Variants in ST6GAL1 observed in about 807,000 individuals in gnomAD.
ST6GAL1 encodes the protein beta-galactoside alpha-2,6-sialyltransferase 1.
ST6GAL1 carries 20 observed loss-of-function variants against 38.0 expected under a neutral mutation model. The observed-to-expected ratio is 0.53, with a 90% CI of 0.37 to 0.77. The LOEUF (loss-of-function observed/expected upper bound fraction) is 0.77. ST6GAL1 is among the 30% of genes least tolerant of loss of function. The probability of loss-of-function intolerance (pLI) is 0.00; values close to 1 mark genes in which losing one functional copy is unlikely to be tolerated. For synonymous variants in ST6GAL1, 196 were observed against 188.2 expected (o/e 1.04, Z -0.34); for missense variants, 432 against 496.4 (o/e 0.87, Z 1.23).
At chr3:187,033,785 G>C (rs910809928) in intron 2 of ST6GAL1, among the ~76,000 whole-genome samples, 2 of 152,058 alleles carry the variant, frequency 1.3e-5, no homozygotes, top group Non-Finnish European at 2.9e-5. Flanking sequence ...AAAGTTTGTA[G>C]TGCTTAACAT....
chr3:186,978,104 G>C (rs933655738), intron 2 of ST6GAL1, among the ~76,000 whole-genome samples: 13 of 152,250 alleles, frequency 8.5e-5, no homozygotes, highest in African/African-American at 2.9e-4. Context: ...CCAGCTACTT[G>C]GGAGGCTGAG....
At chr3:187,009,290 G>A (rs1241560360) in intron 2 of ST6GAL1, among the ~76,000 whole-genome samples, 4 of 151,928 alleles carry the variant, frequency 2.6e-5, no homozygotes, top group African/African-American at 9.7e-5. Context: ...TTTTTTTAAA[G>A]GTACATAATT....
At chr3:186,974,304 G>T (rs1715450320) in intron 2 of ST6GAL1, among the ~76,000 whole-genome samples, 1 of 152,152 alleles carries the variant, frequency 6.6e-6, no homozygotes, top group Non-Finnish European at 1.5e-5. Context: ...TGCCGATACT[G>T]CAGGAACCGA....
intron 1 of ST6GAL1, among the ~76,000 whole-genome samples, chr3:186,945,802 C>T (rs1015905119): frequency 1.3e-5 from 2 of 148,470 alleles, no homozygotes; most frequent in African/African-American, 5.0e-5. Context: ...CTGGCTAACA[C>T]AGTGAAACCC....
chr3:187,036,256 T>C (rs564749828), intron 2 of ST6GAL1, among the ~76,000 whole-genome samples: 1 of 152,194 alleles, frequency 6.6e-6, no homozygotes, highest in South Asian at 2.1e-4. Context: ...CACCAGATGC[T>C]AGGGAGGCTG....
intron 2 of ST6GAL1, among the ~76,000 whole-genome samples, chr3:186,999,094 G>A (rs1716518901): frequency 6.6e-6 from 1 of 152,224 alleles, no homozygotes; most frequent in Non-Finnish European, 1.5e-5. Flanking sequence ...CCAAACCATT[G>A]TTAAACTTGC....
At chr3:186,961,004 C>G (rs1714918189) in intron 1 of ST6GAL1, among the ~76,000 whole-genome samples, 3 of 146,782 alleles carry the variant, frequency 2.0e-5, no homozygotes, top group Non-Finnish European at 4.5e-5. Flanking sequence ...GAGTCTCACT[C>G]TGTCACTCAG....
At chr3:187,040,515 A>T (rs1182143062) in intron 3 of ST6GAL1, among the ~76,000 whole-genome samples, 2 of 152,232 alleles carry the variant, frequency 1.3e-5, no homozygotes, top group Admixed American at 1.3e-4. Flanking sequence ...GAGAAACCCT[A>T]TAACCTTGCT....
intron 2 of ST6GAL1, among the ~76,000 whole-genome samples, chr3:186,967,884 C>T (rs974062785): frequency 3.9e-5 from 6 of 152,220 alleles, no homozygotes; most frequent in African/African-American, 1.4e-4. Context: ...GCCAGGGTGT[C>T]CTGGGGAGCC....
At chr3:186,935,074 G>C (rs1193862600) in intron 1 of ST6GAL1, among the ~76,000 whole-genome samples, 1 of 152,036 alleles carries the variant, frequency 6.6e-6, no homozygotes, top group Non-Finnish European at 1.5e-5. Flanking sequence ...TGTGTCACGG[G>C]GGTTTGGTGT....
At chr3:187,065,868 C>T (rs1312617967) in intron 5 of ST6GAL1, among the ~76,000 whole-genome samples, 2 of 152,284 alleles carry the variant, frequency 1.3e-5, no homozygotes, top group Middle Eastern at 3.4e-3. Context: ...TCATGGCAAA[C>T]CCTGTGAGGT....
At chr3:187,006,608 T>G (rs1716795283) in intron 2 of ST6GAL1, 1 of 152,094 alleles carries the variant, frequency 6.6e-6, no homozygotes, top group South Asian at 2.1e-4. Context: ...ATGTGGTAAG[T>G]ATTATTATTA....
chr3:186,933,378 T>C (rs1434279287), intron 1 of ST6GAL1, among the ~76,000 whole-genome samples: 1 of 152,208 alleles, frequency 6.6e-6, no homozygotes, highest in African/African-American at 2.4e-5. Context: ...AAAATTCTTA[T>C]CTGCCTTCCT....
chr3:187,016,072 CT>C (rs751584186), intron 2 of ST6GAL1, among the ~76,000 whole-genome samples: 1 of 152,070 alleles, frequency 6.6e-6, no homozygotes, highest in Non-Finnish European at 1.5e-5. Flanking sequence ...TGGGAACCCC[CT>C]AGGAGGCAAT....
chr3:186,968,331 G>A (rs746855758), intron 2 of ST6GAL1, among the ~76,000 whole-genome samples: 11 of 152,062 alleles, frequency 7.2e-5, no homozygotes, highest in Non-Finnish European at 1.5e-4. Context: ...CTATTAGATG[G>A]TACCCATTAA....
At chr3:187,014,336 C>T (rs1717053854) in intron 2 of ST6GAL1, among the ~76,000 whole-genome samples, 1 of 152,224 alleles carries the variant, frequency 6.6e-6, no homozygotes, top group Admixed American at 6.5e-5. Context: ...GTCTGAGGGT[C>T]TTTTGCCTTC....
intron 1 of ST6GAL1, among the ~76,000 whole-genome samples, chr3:186,940,523 G>A (rs1314001022): frequency 1.3e-5 from 2 of 152,222 alleles, no homozygotes; most frequent in African/African-American, 4.8e-5. Context: ...GCCGCATGTA[G>A]CCCAGGATGG....
rs1237457846 is a variant in ST6GAL1 at position 187,072,837 on chromosome 3, T to G, written c.706-12T>G. ...AATGTTCAAGCGACAGCTTATCTCT[T>G]TCTTCCTGCAGTTGGTTACCACAGA... On this transcript the variant is annotated splice_polypyrimidine_tract_variant and intron_variant, in intron 5 of 7. Transcript: ENST00000169298. 6.2e-7 allele frequency: 1 copy of G among 1,611,122 alleles called. No individual in the cohort carries two copies. Among genetic ancestry groups the G allele is most frequent in the Non-Finnish European group, 8.5e-7 (1 of 1,177,498 alleles).
At chr3:186,974,680 C>CATTA (rs899411646) in intron 2 of ST6GAL1, among the ~76,000 whole-genome samples, 3 of 148,450 alleles carry the variant, frequency 2.0e-5, no homozygotes, top group East Asian at 2.0e-4. Context: ...AGGAAGATCT[C>CATTA]ATTAATTAAT....
Sources: gnomAD v4.1 joint callset for allele counts (sites outside exome capture counted in the v4.1 genomes callset) on GRCh38, gnomAD v4.1.1 for gene constraint, MANE v1.5 for transcripts, NCBI Gene and HGNC (gene_info 2026-07-23, HGNC 2026-07-21) for gene names.